Variants in ATXN7 observed in about 807,000 individuals in gnomAD.
ATXN7 encodes the protein ataxin 7, also known as ataxin-7.
A neutral mutation model predicts 70.5 loss-of-function variants in ATXN7; 12 were observed. That is an observed-to-expected ratio of 0.17 (90% CI 0.11 to 0.28). ATXN7 has a LOEUF of 0.28. ATXN7 is among the 10% of genes least tolerant of loss of function. The pLI, the probability that ATXN7 is intolerant of heterozygous loss-of-function variation, is 1.00. For synonymous variants in ATXN7, 498 were observed against 448.7 expected (o/e 1.11, Z -1.39); for missense variants, 1,256 against 1,131.7 (o/e 1.11, Z -1.58).
At chr3:63,914,504 T>A (rs1321181353) in intron 4 of ATXN7, among the ~76,000 whole-genome samples, 1 of 152,216 alleles carries the variant, frequency 6.6e-6, no homozygotes, top group Non-Finnish European at 1.5e-5. Context: ...AATCAGTTGC[T>A]AGTCCGGTTT....
intron 1 of ATXN7, among the ~76,000 whole-genome samples, chr3:63,893,992 A>G (rs941576518): frequency 2.6e-5 from 4 of 152,202 alleles, no homozygotes; most frequent in Non-Finnish European, 5.9e-5. Context: ...CAGTTTATAT[A>G]TAACTTGGTT....
intron 5 of ATXN7, among the ~76,000 whole-genome samples, chr3:63,964,218 A>AT (rs1287270681): frequency 6.6e-6 from 1 of 152,210 alleles, no homozygotes; most frequent in Non-Finnish European, 1.5e-5. Context: ...ATTTTAAAAA[A>AT]TATTTAAACA....
chr3:63,902,768 A>C (rs1433883571), intron 2 of ATXN7, among the ~76,000 whole-genome samples: 1 of 152,152 alleles, frequency 6.6e-6, no homozygotes, highest in Non-Finnish European at 1.5e-5. Flanking sequence ...TTATCAGTCC[A>C]TGCCGTTGCC....
chr3:63,990,580 CT>C (rs2075654395), intron 10 of ATXN7, 157 bp from the exon 11 acceptor site: 2 of 1,290,668 alleles, frequency 1.5e-6, no homozygotes, highest in African/African-American at 1.5e-5. Flanking sequence ...TTCCATGACG[CT>C]CAGGGCTAGG....
intron 1 of ATXN7, among the ~76,000 whole-genome samples, 117 bp downstream of exon 1, chr3:63,864,275 C>T (rs1386623284): frequency 2.0e-5 from 3 of 151,448 alleles, no homozygotes; most frequent in African/African-American, 7.3e-5. Flanking sequence ...CCGCCCCATC[C>T]AGGGTGACGC....
chr3:63,870,401 C>G (rs1702560105), intron 1 of ATXN7, among the ~76,000 whole-genome samples: 1 of 152,176 alleles, frequency 6.6e-6, no homozygotes, highest in Non-Finnish European at 1.5e-5. Context: ...CATGTGCACA[C>G]ACACGTATGT....
intron 8 of ATXN7, among the ~76,000 whole-genome samples, chr3:63,985,762 T>G (rs192294331): frequency 9.1e-4 from 139 of 152,320 alleles, no homozygotes; most frequent in Middle Eastern, 3.4e-3. Context: ...GCGGAGAGAT[T>G]TGTGACTCCT....
rs2075815392 is a variant in ATXN7, at chr3:63,999,803, A to G, written c.*336A>G. ...GCAGTATATCACAGAGCCACTCTTC[A>G]AGTAGATTGGCTGGGCAAAAGAATG... On this transcript the variant is annotated 3_prime_UTR_variant, in exon 13 of 13. Coordinates refer to ENST00000674280, the MANE Select transcript of ATXN7 (RefSeq NM_001377405.1). 3 of 457,220 alleles carry G rather than the reference A, an allele frequency of 6.6e-6. No homozygotes were observed. Among genetic ancestry groups the G allele is most frequent in the Non-Finnish European group, 1.2e-5 (3 of 252,328 alleles). The allele number at this position is 457,220 out of a possible 1,614,324, so 28.3% of individuals were successfully genotyped here.
chr3:63,904,707 A>C (rs556068269), intron 2 of ATXN7: 1 of 152,360 alleles, frequency 6.6e-6, no homozygotes, highest in African/African-American at 2.4e-5. Flanking sequence ...ATTAGTGCTC[A>C]GGTATCTGAG....
At chr3:63,877,013 T>C (rs1030630831) in intron 1 of ATXN7, among the ~76,000 whole-genome samples, 4 of 152,240 alleles carry the variant, frequency 2.6e-5, no homozygotes, top group African/African-American at 9.6e-5. Context: ...AGAAAAAATT[T>C]ACACCTTAAA....
chr3:63,982,192 A>G lies in ATXN7; in HGVS notation c.759A>G (p.Thr253=), dbSNP rs768017522. 4 of 1,613,862 alleles carry G rather than the reference A, an allele frequency of 2.5e-6. No homozygotes were observed. The highest frequency in any genetic ancestry group is 3.4e-6 in the Non-Finnish European group (4 of 1,179,982). The change falls in exon 7 of 13, where the codon ACA becomes ACG. Residue 253 remains threonine, a synonymous_variant. Transcript: ENST00000674280. ...QSRVPHGRIM[T]PSVKVEKIHP... is the part of the protein sequence containing the mutation. ...TCACTTCCTCCTGTGACAGCATGAC[A>G]CCCTCTGTGAAAGTGGAAAAGATTC... is the stretch of plus-strand genomic sequence containing the variant.
chr3:63,991,390 G>C (rs2075669662), intron 11 of ATXN7, among the ~76,000 whole-genome samples: 1 of 148,238 alleles, frequency 6.7e-6, no homozygotes, highest in Admixed American at 6.9e-5. Flanking sequence ...ATTGAACCTA[G>C]AGGTAACATG....
intron 4 of ATXN7, among the ~76,000 whole-genome samples, chr3:63,937,818 C>T (rs1559638913): frequency 6.6e-6 from 1 of 152,124 alleles, no homozygotes; most frequent in African/African-American, 2.4e-5. Context: ...TGATCTTGGG[C>T]AAGTTACTTA....
intron 4 of ATXN7, among the ~76,000 whole-genome samples, chr3:63,923,888 A>G (rs1365526872): frequency 6.6e-6 from 1 of 152,162 alleles, no homozygotes; most frequent in East Asian, 1.9e-4. Context: ...AATGCTGACA[A>G]GGTTAGACTG....
chr3:63,874,778 C>G (rs1702700860), intron 1 of ATXN7, among the ~76,000 whole-genome samples: 1 of 152,132 alleles, frequency 6.6e-6, no homozygotes, highest in African/African-American at 2.4e-5. Context: ...GAGTAATGTT[C>G]CCTAATTGTA....
intron 4 of ATXN7, among the ~76,000 whole-genome samples, chr3:63,914,452 A>G (rs1179374033): frequency 6.6e-6 from 1 of 152,234 alleles, no homozygotes; most frequent in Non-Finnish European, 1.5e-5. Flanking sequence ...AAAGGAAAGC[A>G]AGGGAAAGCA....
chr3:64,001,991 T>C lies in ATXN7; in HGVS notation c.*2524T>C, dbSNP rs1559667227. Reference sequence around the variant, plus strand: ...AGAATTTCATGACAACTCCTGCAGTTTTCTTAACCTACAAAAAAAAAAAAA... The same window carrying C: ...AGAATTTCATGACAACTCCTGCAGTCTTCTTAACCTACAAAAAAAAAAAAA... On this transcript the variant is annotated 3_prime_UTR_variant, in exon 13 of 13. Transcript: ENST00000674280. The C allele has an allele frequency of 6.6e-6, 1 of 151,554 alleles. No homozygotes were observed. Among genetic ancestry groups the C allele is most frequent in the Non-Finnish European group, 1.5e-5 (1 of 67,860 alleles). The allele number at this position is 151,554 out of a possible 1,614,324, so 9.4% of individuals were successfully genotyped here. A position where few individuals can be genotyped will look rare whatever the true frequency, so the allele number is the denominator to read the frequency against.
At chr3:63,880,050 C>T (rs1702863093) in intron 1 of ATXN7, among the ~76,000 whole-genome samples, 1 of 151,988 alleles carries the variant, frequency 6.6e-6, no homozygotes, top group Non-Finnish European at 1.5e-5. Context: ...CGCGCCACTG[C>T]ACTCTATCCT....
Position 64,001,910 on chromosome 3 carries a change from C to G in ATXN7, c.*2443C>G, listed in dbSNP as rs887567467. 6.6e-6 allele frequency: 1 copy of G among 151,242 alleles called. No homozygotes were observed. Among genetic ancestry groups the G allele is most frequent in the African/African-American group, 2.4e-5 (1 of 41,054 alleles). The allele number at this position is 151,242 out of a possible 1,614,324, so 9.4% of individuals were successfully genotyped here. ...CAAATTTGCAGTGGTTGGGTTGTTT[C>G]TAGACAGACTTTGGTATCAATTTAA... On this transcript the variant is annotated 3_prime_UTR_variant, in exon 13 of 13. Transcript: ENST00000674280.
Sources: gnomAD v4.1 joint callset for allele counts (sites outside exome capture counted in the v4.1 genomes callset) on GRCh38, gnomAD v4.1.1 for gene constraint, MANE v1.5 for transcripts, NCBI Gene and HGNC (gene_info 2026-07-23, HGNC 2026-07-21) for gene names.